Variants in MIA3 observed in about 807,000 individuals in gnomAD.
MIA3 encodes the protein MIA SH3 domain ER export factor 3.
A neutral mutation model predicts 192.4 loss-of-function variants in MIA3; 90 were observed. The observed-to-expected ratio is 0.47, with a 90% confidence interval of 0.39 to 0.56. The LOEUF is 0.56. Among genes scored for constraint, MIA3 ranks in the 20% least tolerant of loss-of-function variants. The pLI is 0.00. For missense variants in MIA3, 2,123 were observed against 2,269.4 expected, an observed-to-expected ratio of 0.94 and a Z score of 1.31; for synonymous variants, 740 against 792.8, an observed-to-expected ratio of 0.93 and a Z score of 1.12.
rs1436275116 is a variant in MIA3, at chr1:222,624,762, G to T, written c.268-6G>T. 1 of 1,447,068 alleles carries T rather than the reference G, an allele frequency of 6.9e-7. No individual in the cohort carries two copies. Among genetic ancestry groups the T allele is most frequent in the Non-Finnish European group, 9.7e-7 (1 of 1,030,722 alleles). 89.6% of individuals were successfully genotyped at this position (1,447,068 alleles called of 1,614,324 possible). On this transcript the variant is annotated splice_polypyrimidine_tract_variant and splice_region_variant and intron_variant, in intron 2 of 27. Transcript: ENST00000344922. ...ATGTGTCCCTTTTGCCCATTCTTTT[G>T]TGTAGGTTGGACGCACTTTTGGATA...
At chr1:222,640,974 C>G (rs1170358575) in intron 6 of MIA3, among the ~76,000 whole-genome samples, 1 of 152,148 alleles carries the variant, frequency 6.6e-6, no homozygotes, top group African/African-American at 2.4e-5. Flanking sequence ...AAATGTTCAC[C>G]ATAATTATCA....
In MIA3 at chr1:222,624,751, C is replaced by T; in HGVS notation, c.268-17C>T. ...ATTTGATTGATATGTGTCCCTTTTG[C>T]CCATTCTTTTGTGTAGGTTGGACGC... On this transcript the variant is annotated splice_polypyrimidine_tract_variant and intron_variant, in intron 2 of 27. Transcript: ENST00000344922. 1.6e-6 allele frequency: 2 copies of T among 1,260,776 alleles called. No individual in the cohort carries two copies. The highest frequency in any genetic ancestry group is 2.3e-6 in the Non-Finnish European group (2 of 861,976). 78.1% of individuals were successfully genotyped at this position (1,260,776 alleles called of 1,614,324 possible).
At chr1:222,625,878 A>G (rs957395862) in intron 3 of MIA3, among the ~76,000 whole-genome samples, 1 of 152,180 alleles carries the variant, frequency 6.6e-6, no homozygotes, top group Non-Finnish European at 1.5e-5. Context: ...CTGGGATTAC[A>G]GGCGCCTGCC....
chr1:222,633,863 T>A (rs1016429049), intron 6 of MIA3, among the ~76,000 whole-genome samples: 4 of 151,790 alleles, frequency 2.6e-5, no homozygotes, highest in South Asian at 2.1e-4. Flanking sequence ...CTTTTTTTTT[T>A]AAATTGAGAC....
chr1:222,650,166 T>C (rs1000174285), intron 8 of MIA3, 126 bp from the exon 9 acceptor site: 1 of 701,330 alleles, frequency 1.4e-6, no homozygotes, highest in Non-Finnish European at 2.6e-6. Flanking sequence ...TTTAAAACCA[T>C]AATAGTTATG....
At chr1:222,645,891 C>T (rs1663116042) in intron 7 of MIA3, 3 of 434,658 alleles carry the variant, frequency 6.9e-6, no homozygotes, top group South Asian at 5.5e-5. Context: ...GGGAAAACTT[C>T]AGTTTATATG....
At chr1:222,642,266 T>C (rs1298039375) in intron 6 of MIA3, among the ~76,000 whole-genome samples, 2 of 152,166 alleles carry the variant, frequency 1.3e-5, no homozygotes, top group African/African-American at 4.8e-5. Context: ...ATATAACTTA[T>C]TGAATGTCAT....
At chr1:222,651,874 G>T (rs1452584431) in intron 11 of MIA3, 103 bp from the exon 12 acceptor site, 6 of 739,794 alleles carry the variant, frequency 8.1e-6, no homozygotes, top group Non-Finnish European at 1.4e-5. Flanking sequence ...CATAGGGGAT[G>T]GCTCTGGGAC....
At chr1:222,645,849 T>TTTTTTTTTTTTTTTGAGACGG in intron 7 of MIA3, 164 bp downstream of exon 7, 1 of 594,854 alleles carries the variant, frequency 1.7e-6, no homozygotes, top group East Asian at 4.0e-5. Context: ...GGTAAATTCT[T>TTTTTTTTTTTTTTTGAGACGG]AAGTGAATAA....
chr1:222,632,121 G>A (rs1314364531), intron 4 of MIA3, 44 bp from the exon 5 acceptor site: 1 of 1,587,570 alleles, frequency 6.3e-7, no homozygotes, highest in South Asian at 1.1e-5. Context: ...CTAACAGGTA[G>A]TGTCATCAAG....
At position 222,637,333 on chromosome 1, in the gene MIA3, G is replaced by C. The variant is rs146006163; in HGVS notation, c.3477+4084G>C. The stretch of plus-strand genomic sequence containing the variant: ...TTTTGTTTGTCAAGAATACTTAATA[G>C]GAGATGTTATGTACTTCCATCAGGA... On this transcript the variant is annotated intron_variant, in intron 6 of 27. Transcript: ENST00000344922. 5.9e-5 allele frequency among the ~76,000 whole-genome samples: 9 copies of C among 152,274 alleles called. No homozygotes were observed. In the East Asian group the frequency reaches 1.5e-3, roughly 26 times the overall value.
Position 222,653,233 on chromosome 1 carries a change from G to C in MIA3, c.4215G>C (p.Leu1405Phe). 1 of 1,609,676 alleles carries C rather than the reference G, an allele frequency of 6.2e-7. No homozygotes were observed. The highest frequency in any genetic ancestry group is 8.5e-7 in the Non-Finnish European group (1 of 1,176,570). Residue 1405 changes from leucine (L) to phenylalanine (F), a missense_variant, in exon 15 of 28, where the codon TTG becomes TTC. Physicochemically the swap from Leu to Phe is conservative, Grantham distance 22. Coordinates refer to ENST00000344922, the MANE Select transcript of MIA3 (RefSeq NM_198551.4). ...CCCTTTTACTTCTTTTCTAGGCTTT[G>C]ACTAACTGCATTACACAGTTGAATC... ...LTHKDDNINA[L>F]TNCITQLNLL... is the part of the protein sequence containing the mutation.
chr1:222,664,933 T>C, intron 27 of MIA3: 1 of 469,664 alleles, frequency 2.1e-6, no homozygotes, highest in Non-Finnish European at 4.4e-6. Flanking sequence ...TCCCAGCACT[T>C]TATGAATCCC....
intron 1 of MIA3, among the ~76,000 whole-genome samples, chr1:222,619,412 A>G (rs779679331): frequency 6.6e-6 from 1 of 152,204 alleles, no homozygotes; most frequent in African/African-American, 2.4e-5. Context: ...ATTCAAATTG[A>G]TGTTATCAAA....
intron 3 of MIA3, among the ~76,000 whole-genome samples, chr1:222,625,648 C>A (rs190333685): frequency 1.3e-5 from 2 of 152,254 alleles, no homozygotes; most frequent in South Asian, 2.1e-4. Context: ...ATCTGTAAGG[C>A]GCTAACTACA....
intron 23 of MIA3, 77 bp downstream of exon 23, chr1:222,660,083 G>A: frequency 6.3e-7 from 1 of 1,586,782 alleles, no homozygotes; most frequent in South Asian, 1.1e-5. Context: ...TTGTTTCTGT[G>A]TGTAATGGTT....
chr1:222,665,750 G>A lies in MIA3; in HGVS notation c.*131G>A, dbSNP rs1664253933. On this transcript the variant is annotated 3_prime_UTR_variant, in exon 28 of 28. Transcript: ENST00000344922. Reference sequence around the variant, plus strand: ...TTGTTGTTAGAACTAAGCTGCCTTGGCAGTGTGCATTTTTGAGCCAAACAA... The same window carrying A: ...TTGTTGTTAGAACTAAGCTGCCTTGACAGTGTGCATTTTTGAGCCAAACAA... The A allele has an allele frequency of 1.4e-6, 1 of 705,824 alleles. No homozygotes were observed. The highest frequency in any genetic ancestry group is 3.9e-5 in the Admixed American group (1 of 25,806). The allele number at this position is 705,824 out of a possible 1,614,324, so 43.7% of individuals were successfully genotyped here. A position where few individuals can be genotyped will look rare whatever the true frequency, so the allele number is the denominator to read the frequency against.
chr1:222,651,003 G>A, intron 11 of MIA3, 100 bp downstream of exon 11: 3 of 700,686 alleles, frequency 4.3e-6, no homozygotes, highest in South Asian at 2.0e-5. Flanking sequence ...TGTGAAGTAA[G>A]AGTGCGAGTC....
intron 8 of MIA3, 21 bp from the exon 9 acceptor site, chr1:222,650,268 CTTA>C (rs1260119896): frequency 7.4e-6 from 10 of 1,347,728 alleles, no homozygotes; most frequent in African/African-American, 2.9e-5. Flanking sequence ...TCATAATAAC[CTTA>C]TTATTTTTTT....
Sources: allele counts gnomAD v4.1 joint callset (sites outside exome capture counted in the v4.1 genomes callset), GRCh38; gene constraint gnomAD v4.1.1; transcripts MANE v1.5; gene names NCBI Gene and HGNC (gene_info 2026-07-23, HGNC 2026-07-21).